The following THAP3 variants were observed in gnomAD, a reference collection of about 807,000 sequenced individuals.
THAP3 encodes THAP domain-containing protein 3.
In THAP3, 12 loss-of-function variants were observed where a neutral mutation model predicts 17.7. The ratio of observed to expected loss-of-function variants is 0.68; its 90% CI spans 0.43 to 1.10. The LOEUF (loss-of-function observed/expected upper bound fraction) is 1.10, where lower values mean the gene tolerates loss of function less well. Ranked by LOEUF, THAP3 falls within the 50% of genes least tolerant of loss-of-function variation. THAP3 has a pLI of 0.00. For synonymous variants in THAP3, 133 were observed against 126.9 expected (o/e 1.05, Z -0.32); for missense variants, 289 against 318.0 (o/e 0.91, Z 0.69).
At chr1:6,635,574 TAAAATA>T, downstream of THAP3, 1 of 1,240,274 alleles carries the variant, frequency 8.1e-7, no homozygotes, top group Non-Finnish European at 1.1e-6. Flanking sequence ...AATAATAATA[TAAAATA>T]AAAACATCTG....
rs543492085 is a variant in THAP3 at position 6,630,195 on chromosome 1, G to C, written c.268-93G>C. 6.3e-6 allele frequency: 7 copies of C among 1,107,334 alleles called. No individual in the cohort carries two copies. In the African/African-American group the frequency reaches 9.2e-5, roughly 15 times the overall value. The allele number at this position is 1,107,334 out of a possible 1,614,324, so 68.6% of individuals were successfully genotyped here. On this transcript the variant is annotated intron_variant, in intron 3 of 5. Transcript: ENST00000054650. Reference sequence around the variant, plus strand: ...GTTCGTTGACTGGGGCATGCAGTGGGCCGAGCAGCGGGGACAAGCATGATG... The same window carrying C: ...GTTCGTTGACTGGGGCATGCAGTGGCCCGAGCAGCGGGGACAAGCATGATG...
At chr1:6,632,123 C>T (rs960423588) in intron 4 of THAP3, among the ~76,000 whole-genome samples, 2 of 143,712 alleles carry the variant, frequency 1.4e-5, no homozygotes, top group Admixed American at 7.0e-5. Flanking sequence ...GGCTGAGGCA[C>T]GAGAATCACC....
chr1:6,630,728 G>C (rs575789938), intron 4 of THAP3, among the ~76,000 whole-genome samples: 1 of 152,126 alleles, frequency 6.6e-6, no homozygotes, highest in Admixed American at 6.5e-5. Flanking sequence ...CCGCTACCAC[G>C]CCCGGCTAAT....
intron 4 of THAP3, 87 bp from the exon 5 acceptor site, chr1:6,632,304 G>C: frequency 6.4e-7 from 1 of 1,560,692 alleles, no homozygotes; most frequent in Non-Finnish European, 8.7e-7. Flanking sequence ...CCTGGCTGTT[G>C]CCACTCCCCT....
At chr1:6,625,326 CA>C in intron 2 of THAP3, 34 bp downstream of exon 2, 1 of 1,511,720 alleles carries the variant, frequency 6.6e-7, no homozygotes, top group Non-Finnish European at 8.8e-7. Flanking sequence ...GCGGGAGGCC[CA>C]GACCCGGGGC....
chr1:6,628,437 A>C, intron 2 of THAP3, 62 bp from the exon 3 acceptor site: 1 of 1,437,212 alleles, frequency 7.0e-7, no homozygotes, highest in African/African-American at 1.4e-5. Context: ...GAAAATTCCG[A>C]ATGACTCTGA....
Position 6,628,566 on chromosome 1 carries a change from C to T in THAP3, c.142C>T (p.Pro48Ser). Reference protein sequence around the residue: ...VLNIGRGNFKPKQHTVICSEH... With the variant: ...VLNIGRGNFKSKQHTVICSEH... ...GAACATCGGCCGGGGCAACTTCAAG[C>T]CCAAGCAGCACACGGTCATCTGCTC... The change falls in exon 3 of 6, where the codon CCC becomes TCC. Residue 48 changes from proline (P) to serine (S), a missense_variant. Physicochemically the swap from Pro to Ser is moderately conservative, Grantham distance 74. Transcript: ENST00000054650. 1 of 1,613,836 alleles carries T rather than the reference C, an allele frequency of 6.2e-7. No individual in the cohort carries two copies. Among genetic ancestry groups the T allele is most frequent in the Non-Finnish European group, 8.5e-7 (1 of 1,180,012 alleles).
intron 4 of THAP3, 116 bp from the exon 5 acceptor site, chr1:6,632,273 GCA>G (rs1358517974): frequency 1.4e-6 from 2 of 1,406,890 alleles, no homozygotes. Flanking sequence ...CTGTGGAGGG[GCA>G]CAGACCCTGG....
At chr1:6,630,961 A>G (rs1161524837) in intron 4 of THAP3, among the ~76,000 whole-genome samples, 1 of 151,420 alleles carries the variant, frequency 6.6e-6, no homozygotes, top group South Asian at 2.1e-4. Context: ...CTCCCACCTC[A>G]GTCTCCCAAA....
chr1:6,625,278 G>C lies in THAP3; in HGVS notation c.60G>C (p.Gln20His). The change falls in exon 2 of 6, where the codon CAG (glutamine) becomes CAC (histidine). Residue 20 changes from glutamine (Q) to histidine (H), a missense_variant. By Grantham distance (24) the Gln-to-His change is conservative. Coordinates refer to ENST00000054650, the MANE Select transcript of THAP3 (RefSeq NM_001195753.2). ...CCNRYSSRRKQLTFHRFPFSR... is the reference protein window; with the variant it reads ...CCNRYSSRRKHLTFHRFPFSR... Reference sequence around the variant, plus strand: ...ACCGCTACAGCAGCCGCAGGAAGCAGCTCACCTTCCACCGGTAAGAGGCGG... The same window carrying C: ...ACCGCTACAGCAGCCGCAGGAAGCACCTCACCTTCCACCGGTAAGAGGCGG... 6.5e-7 allele frequency: 1 copy of C among 1,543,898 alleles called. No homozygotes were observed. The highest frequency in any genetic ancestry group is 8.7e-7 in the Non-Finnish European group (1 of 1,146,938).
At chr1:6,627,795 C>T (rs572108274) in intron 2 of THAP3, 2 of 152,282 alleles carry the variant, frequency 1.3e-5, no homozygotes, top group African/African-American at 4.8e-5. Context: ...CAAAATACAT[C>T]CAAGTCTGCC....
chr1:6,630,979 G>A (rs1641596241), intron 4 of THAP3, among the ~76,000 whole-genome samples: 1 of 151,922 alleles, frequency 6.6e-6, no homozygotes. Flanking sequence ...AAAGTGCTGG[G>A]AGTATAGATG....
intron 3 of THAP3, chr1:6,629,835 C>T: frequency 5.5e-6 from 1 of 182,684 alleles, no homozygotes; most frequent in Non-Finnish European, 1.2e-5. Context: ...TCACTGTAGC[C>T]CTCGGTGCTT....
At chr1:6,626,410 C>T (rs371590508) in intron 2 of THAP3, among the ~76,000 whole-genome samples, 58 of 152,188 alleles carry the variant, frequency 3.8e-4, no homozygotes, top group Middle Eastern at 3.4e-3. Context: ...CTATCCTGCC[C>T]GCTATCAGAG....
At chr1:6,633,739 T>G (rs1406700324), downstream of THAP3, among the ~76,000 whole-genome samples, 2 of 152,128 alleles carry the variant, frequency 1.3e-5, no homozygotes, top group Admixed American at 6.5e-5. Flanking sequence ...TGAAATCCCA[T>G]GTCTACTAAA....
chr1:6,625,665 C>G (rs921853075), intron 2 of THAP3, among the ~76,000 whole-genome samples: 3 of 152,134 alleles, frequency 2.0e-5, no homozygotes, highest in African/African-American at 4.8e-5. Context: ...AGTGGAACCC[C>G]CAGGGGCGTC....
chr1:6,633,596 C>T (rs538048541), downstream of THAP3: 112 of 1,072,296 alleles, frequency 1.0e-4, no homozygotes, highest in East Asian at 1.9e-3. Context: ...TCTCTAGTGC[C>T]GTGATTCCTT....
chr1:6,625,415 C>A, intron 2 of THAP3, 123 bp downstream of exon 2: 1 of 881,742 alleles, frequency 1.1e-6, no homozygotes, highest in Non-Finnish European at 1.5e-6. Context: ...GGGGACAGGC[C>A]GAGGTCCTGG....
chr1:6,628,819 G>C, intron 3 of THAP3, 128 bp downstream of exon 3: 2 of 923,634 alleles, frequency 2.2e-6, no homozygotes, highest in African/African-American at 1.7e-5. Flanking sequence ...CAACAGCACT[G>C]TCACGCCTCT....
Sources: allele counts gnomAD v4.1 joint callset (sites outside exome capture counted in the v4.1 genomes callset), GRCh38; gene constraint gnomAD v4.1.1; transcripts MANE v1.5; gene names NCBI Gene and HGNC (gene_info 2026-07-23, HGNC 2026-07-21).